SLC22A23: variants seen among roughly 807,000 people sequenced by gnomAD.
The protein encoded by SLC22A23 is solute carrier family 22 member 23.
Under a neutral mutation model 61.0 loss-of-function variants are expected in SLC22A23, and 26 were observed. The ratio of observed to expected loss-of-function variants is 0.43; its 90% CI spans 0.31 to 0.59. The LOEUF (loss-of-function observed/expected upper bound fraction) is 0.59, where lower values mean the gene tolerates loss of function less well. Ranked by LOEUF, SLC22A23 falls within the 20% of genes least tolerant of loss-of-function variation. The pLI, the probability that SLC22A23 is intolerant of heterozygous loss-of-function variation, is 0.11. For missense variants in SLC22A23, 796 were observed against 934.7 expected, an observed-to-expected ratio of 0.85 and a Z score of 1.94; for synonymous variants, 430 against 413.9, an observed-to-expected ratio of 1.04 and a Z score of -0.47.
chr6:3,308,169 A>G lies in SLC22A23; in HGVS notation c.1083-9951T>C, dbSNP rs1462392381. On this transcript the variant is annotated intron_variant, in intron 4 of 9. Coordinates refer to ENST00000406686, the MANE Select transcript of SLC22A23 (RefSeq NM_015482.2). The surrounding 1 kb of genome is among the most constrained non-coding windows in gnomAD (Gnocchi z 5.1). ...GAGTTGTACAATTTAAAATGGTTAC[A>G]GTGGAAAATTTTATGTTACGTGTAT... Among the ~76,000 whole-genome samples the G allele has an allele frequency of 1.3e-5, 2 of 152,242 alleles. No individual in the cohort carries two copies. Among genetic ancestry groups the G allele is most frequent in the Non-Finnish European group, 2.9e-5 (2 of 68,040 alleles).
At chr6:3,442,865 A>C (rs1771685229) in intron 1 of SLC22A23, among the ~76,000 whole-genome samples, 1 of 152,118 alleles carries the variant, frequency 6.6e-6, no homozygotes, top group Non-Finnish European at 1.5e-5. Context: ...CCTACGACTT[A>C]ACATCCTTAA....
rs1763474678 is a variant in SLC22A23, at chr6:3,329,632, T to C, written c.914-5630A>G. Among the ~76,000 whole-genome samples the C allele has an allele frequency of 2.6e-5, 4 of 152,188 alleles. No homozygotes were observed. In the South Asian group the frequency reaches 8.3e-4, roughly 31 times the overall value. On this transcript the variant is annotated intron_variant, in intron 3 of 9. Coordinates refer to ENST00000406686, the MANE Select transcript of SLC22A23 (RefSeq NM_015482.2). The surrounding 1 kb of genome is among the most constrained non-coding windows in gnomAD (Gnocchi z 4.8). Reference sequence around the variant, plus strand: ...GGGCGGTGTGAAGTTACTCAGCCGCTCTGAGCCTGTGTCCTTGCAGCCAAG... The same window carrying C: ...GGGCGGTGTGAAGTTACTCAGCCGCCCTGAGCCTGTGTCCTTGCAGCCAAG...
In SLC22A23 at chr6:3,298,113, G is replaced by T; in HGVS notation, c.1188C>A (p.Gly396=). Residue 396 remains glycine, a synonymous_variant, in exon 5 of 10, where the codon GGC becomes GGA. Transcript: ENST00000406686. ...FTQKNRMNPE[G]DIKGVIPELE... is the part of the protein sequence containing the mutation. ...CACCTGGTATCACACCCTTGATGTCGCCCTCAGGGTTCATGCGATTCTTCT... is the reference window on the plus strand; with the variant it reads ...CACCTGGTATCACACCCTTGATGTCTCCCTCAGGGTTCATGCGATTCTTCT... 3.8e-6 allele frequency: 6 copies of T among 1,572,344 alleles called. No individual in the cohort carries two copies. Among genetic ancestry groups the T allele is most frequent in the Non-Finnish European group, 5.2e-6 (6 of 1,162,812 alleles).
intron 4 of SLC22A23, chr6:3,312,619 C>A (rs1272359585): frequency 6.6e-6 from 1 of 152,206 alleles, no homozygotes; most frequent in Non-Finnish European, 1.5e-5. Context: ...CTCTTTAGTA[C>A]TGGCCATGTG....
intron 3 of SLC22A23, among the ~76,000 whole-genome samples, chr6:3,363,919 A>C (rs1453762774): frequency 5.3e-5 from 8 of 152,138 alleles, no homozygotes; most frequent in Admixed American, 5.2e-4. Flanking sequence ...CACAGGCATG[A>C]GTTTCCTCTG....
chr6:3,349,283 A>C (rs1397664768), intron 3 of SLC22A23, among the ~76,000 whole-genome samples: 1 of 152,182 alleles, frequency 6.6e-6, no homozygotes, highest in African/African-American at 2.4e-5. Context: ...TCAGAGCCCC[A>C]AACACCTTTC....
intron 3 of SLC22A23, among the ~76,000 whole-genome samples, chr6:3,393,179 C>T (rs1442985878): frequency 6.6e-6 from 1 of 152,132 alleles, no homozygotes; most frequent in Non-Finnish European, 1.5e-5. Context: ...GGAATTCCAC[C>T]TGAGCAGCGG....
chr6:3,292,358 A>G (rs528700890), intron 5 of SLC22A23, among the ~76,000 whole-genome samples: 6 of 152,348 alleles, frequency 3.9e-5, no homozygotes, highest in African/African-American at 1.2e-4. Context: ...CTGTCCAGGT[A>G]TCAGATGGAC....
intron 1 of SLC22A23, among the ~76,000 whole-genome samples, chr6:3,450,541 G>A (rs566472001): frequency 3.3e-5 from 5 of 152,290 alleles, no homozygotes; most frequent in South Asian, 2.1e-4. Context: ...TCCTGACCTC[G>A]TGATCCGCCC....
chr6:3,293,410 A>AC (rs1302979361), intron 5 of SLC22A23, among the ~76,000 whole-genome samples: 2 of 152,086 alleles, frequency 1.3e-5, no homozygotes, highest in African/African-American at 2.4e-5. Context: ...ACAGCCCCTC[A>AC]CCCCTCCGGG....
At chr6:3,400,694 C>G (rs927482692) in intron 3 of SLC22A23, among the ~76,000 whole-genome samples, 13 of 152,244 alleles carry the variant, frequency 8.5e-5, no homozygotes, top group Non-Finnish European at 4.4e-5. Flanking sequence ...ACCCAAGCAT[C>G]TTCTCAACTG....
intron 3 of SLC22A23, among the ~76,000 whole-genome samples, chr6:3,380,735 C>T (rs900293250): frequency 6.6e-6 from 1 of 152,138 alleles, no homozygotes; most frequent in South Asian, 2.1e-4. Flanking sequence ...GAAGTAACAA[C>T]TTTTTAAAAT....
chr6:3,396,533 G>A (rs1374916200), intron 3 of SLC22A23, among the ~76,000 whole-genome samples: 1 of 152,170 alleles, frequency 6.6e-6, no homozygotes, highest in Non-Finnish European at 1.5e-5. Flanking sequence ...TGGTGACAGA[G>A]TGAGACTCCA....
At chr6:3,371,030 C>T (rs566986856) in intron 3 of SLC22A23, among the ~76,000 whole-genome samples, 9 of 152,298 alleles carry the variant, frequency 5.9e-5, no homozygotes, top group African/African-American at 2.2e-4. Context: ...CTCGAGCTGA[C>T]GAGGATGTTA....
rs1292953574 is a variant in SLC22A23, at chr6:3,322,151, G to C, written c.1082+1683C>G. Among the ~76,000 whole-genome samples the C allele has an allele frequency of 2.6e-5, 4 of 152,150 alleles. No individual in the cohort carries two copies. Among genetic ancestry groups the C allele is most frequent in the Admixed American group, 2.6e-4 (4 of 15,280 alleles). ...GGTCCAGGCTCTGACGTGAGTCAGC[G>C]GGGGTCAGGGGACCGCGGTTCTGTC... On this transcript the variant is annotated intron_variant, in intron 4 of 9. Transcript: ENST00000406686. The surrounding 1 kb of genome is among the most constrained non-coding windows in gnomAD (Gnocchi z 4.1).
At chr6:3,296,768 G>A (rs925368168) in intron 5 of SLC22A23, among the ~76,000 whole-genome samples, 5 of 152,124 alleles carry the variant, frequency 3.3e-5, no homozygotes, top group African/African-American at 1.2e-4. Context: ...TCACGGCCCT[G>A]CACAAGTTGA....
In SLC22A23 at chr6:3,289,523, T is replaced by C. The variant is rs6923235; in HGVS notation, c.1313+241A>G. ...GTGCATCTTGGTTTCCTGGACCTCA[T>C]GGGCACGTGGTGGGGAGGCCCTGCT... On this transcript the variant is annotated intron_variant, in intron 6 of 9. Transcript: ENST00000406686. 0.36 allele frequency among the ~76,000 whole-genome samples: 54,356 copies of C among 152,258 alleles called. 15,906 individuals carry two copies. Among genetic ancestry groups the C allele is most frequent in the African/African-American group, 0.8 (33,096 of 41,542 alleles).
chr6:3,287,175 T>G, intron 6 of SLC22A23, 84 bp from the exon 7 acceptor site: 10 of 1,292,236 alleles, frequency 7.7e-6, no homozygotes, highest in Non-Finnish European at 1.1e-5. Context: ...TGCTGTCAGG[T>G]GACCAGGAGA....
chr6:3,322,835 A>C lies in SLC22A23; in HGVS notation c.1082+999T>G, dbSNP rs1370041874. Among the ~76,000 whole-genome samples the C allele has an allele frequency of 1.3e-5, 2 of 152,172 alleles. No individual in the cohort carries two copies. The highest frequency in any genetic ancestry group is 1.3e-4 in the Admixed American group (2 of 15,270). On this transcript the variant is annotated intron_variant, in intron 4 of 9. Coordinates refer to ENST00000406686, the MANE Select transcript of SLC22A23 (RefSeq NM_015482.2). The surrounding 1 kb of genome is among the most constrained non-coding windows in gnomAD (Gnocchi z 4.1). ...GACAAGACTGACTGCACGGCCAGAAATTTGGTTTTCATTGTTGACTAAATA... is the reference window on the plus strand; with the variant it reads ...GACAAGACTGACTGCACGGCCAGAACTTTGGTTTTCATTGTTGACTAAATA...
Sources: allele counts gnomAD v4.1 joint callset (sites outside exome capture counted in the v4.1 genomes callset), GRCh38; gene constraint gnomAD v4.1.1; non-coding constraint Gnocchi (gnomAD v3.1); transcripts MANE v1.5; gene names NCBI Gene and HGNC (gene_info 2026-07-23, HGNC 2026-07-21).